The following TMCC1 variants were observed in gnomAD, a reference collection of about 807,000 sequenced individuals.
TMCC1 encodes the protein transmembrane and coiled-coil domains protein 1.
In TMCC1, 15 loss-of-function variants were observed where a neutral mutation model predicts 52.4. The ratio of observed to expected loss-of-function variants is 0.29; its 90% CI spans 0.19 to 0.44. The LOEUF (loss-of-function observed/expected upper bound fraction) is 0.44, where lower values mean the gene tolerates loss of function less well. Among genes scored for constraint, TMCC1 ranks in the 20% least tolerant of loss-of-function variants. The probability of loss-of-function intolerance (pLI) is 1.00; values close to 1 mark genes in which losing one functional copy is unlikely to be tolerated. For synonymous variants in TMCC1, 279 were observed against 301.9 expected (o/e 0.92, Z 0.79); for missense variants, 503 against 806.0 (o/e 0.62, Z 4.55).
At chr3:129,800,858 T>C (rs1314050160) in intron 4 of TMCC1, among the ~76,000 whole-genome samples, 2 of 151,968 alleles carry the variant, frequency 1.3e-5, no homozygotes, top group African/African-American at 4.8e-5. Context: ...TAGCAAATTA[T>C]ATAAATGAAA....
At chr3:129,660,040 T>C (rs1035498323) in intron 5 of TMCC1, among the ~76,000 whole-genome samples, 9 of 152,250 alleles carry the variant, frequency 5.9e-5, no homozygotes, top group African/African-American at 2.2e-4. Context: ...CTCCTAGTTC[T>C]CCCCAACAAT....
Position 129,670,575 on chromosome 3 carries a change from A to G in TMCC1, c.1266T>C (p.Asp422=), listed in dbSNP as rs1223208944. ...QSSPKYGSEE[D]CSSATSGSVG... is the part of the protein sequence containing the mutation. ...CTGAGCCTGAAGTGGCACTAGAACAATCTTCTTCACTACCATATTTTGGGC... is the reference window on the plus strand; with the variant it reads ...CTGAGCCTGAAGTGGCACTAGAACAGTCTTCTTCACTACCATATTTTGGGC... The change falls in exon 5 of 7, where the codon GAT becomes GAC. Residue 422 remains aspartate, a synonymous_variant. Coordinates refer to ENST00000393238, the MANE Select transcript of TMCC1 (RefSeq NM_001017395.5). 2 of 1,614,078 alleles carry G rather than the reference A, an allele frequency of 1.2e-6. No individual in the cohort carries two copies. Among genetic ancestry groups the G allele is most frequent in the Admixed American group, 3.3e-5 (2 of 60,008 alleles).
intron 4 of TMCC1, among the ~76,000 whole-genome samples, chr3:129,747,087 T>C (rs1277575275): frequency 6.6e-6 from 1 of 152,208 alleles, no homozygotes; most frequent in African/African-American, 2.4e-5. Context: ...TAATTCCTCA[T>C]ATATATGAAG....
chr3:129,877,177 A>G (rs1217320293), intron 2 of TMCC1, among the ~76,000 whole-genome samples: 1 of 152,206 alleles, frequency 6.6e-6, no homozygotes, highest in African/African-American at 2.4e-5. Context: ...AACATCTCCA[A>G]TCAGTCTTTA....
chr3:129,772,109 A>T (rs1328598038), intron 4 of TMCC1, among the ~76,000 whole-genome samples: 1 of 152,176 alleles, frequency 6.6e-6, no homozygotes, highest in African/African-American at 2.4e-5. Context: ...CTGTAATCCC[A>T]CCACTTTGGA....
At chr3:129,797,981 T>C (rs1576889553) in intron 4 of TMCC1, among the ~76,000 whole-genome samples, 1 of 132,754 alleles carries the variant, frequency 7.5e-6, no homozygotes, top group Admixed American at 9.2e-5. Flanking sequence ...ACCCGAGTTG[T>C]GTGCCTTTTT....
At chr3:129,852,652 C>T (rs758394963) in intron 2 of TMCC1, among the ~76,000 whole-genome samples, 7 of 152,056 alleles carry the variant, frequency 4.6e-5, no homozygotes, top group Non-Finnish European at 7.4e-5. Flanking sequence ...GTATTTAATA[C>T]CATTCAACCG....
intron 4 of TMCC1, among the ~76,000 whole-genome samples, chr3:129,735,647 T>TTAA (rs2050896811): frequency 1.5e-5 from 2 of 134,678 alleles, no homozygotes; most frequent in South Asian, 4.8e-4. Flanking sequence ...AAGACTCTCT[T>TTAA]AAAAAAAAAA....
chr3:129,760,496 T>TGTGTGTGTG lies in TMCC1; in HGVS notation c.576+67306_576+67307insCACACACAC, dbSNP rs1560353306. On this transcript the variant is annotated intron_variant, in intron 4 of 6. Transcript: ENST00000393238. Reference sequence around the variant, plus strand: ...TGTGTGTGTGTGTGTGTGTGTGTGTTTTTGAGACAGTCTCGCTCTGTTGCC... The same window carrying TGTGTGTGTG: ...TGTGTGTGTGTGTGTGTGTGTGTGTTGTGTGTGTGTTTGAGACAGTCTCGCTCTGTTGCC... Among the ~76,000 whole-genome samples the TGTGTGTGTG allele has an allele frequency of 1.5e-3, 100 of 67,132 alleles. 1 individual carries two copies. The highest frequency in any genetic ancestry group is 3.3e-3 in the African/African-American group (89 of 27,170). The allele number at this position is 67,132 out of a possible 152,430, so 44.0% of individuals were successfully genotyped here. A position where few individuals can be genotyped will look rare whatever the true frequency, so the allele number is the denominator to read the frequency against.
At chr3:129,841,564 C>A (rs889579473) in intron 2 of TMCC1, among the ~76,000 whole-genome samples, 1 of 152,070 alleles carries the variant, frequency 6.6e-6, no homozygotes, top group Non-Finnish European at 1.5e-5. Context: ...GCCTGGGCAA[C>A]AGAGTGAGAC....
At chr3:129,849,453 C>T (rs1312802517) in intron 2 of TMCC1, among the ~76,000 whole-genome samples, 3 of 148,468 alleles carry the variant, frequency 2.0e-5, no homozygotes, top group Admixed American at 6.9e-5. Flanking sequence ...CAGAGCGAGA[C>T]TCCATCTCAA....
chr3:129,725,208 G>A (rs1290826933), intron 4 of TMCC1, among the ~76,000 whole-genome samples: 3 of 152,080 alleles, frequency 2.0e-5, no homozygotes, highest in African/African-American at 4.8e-5. Context: ...CCGCCTCCTG[G>A]GCTCAGGTGA....
At chr3:129,716,999 G>C (rs2049158543) in intron 4 of TMCC1, among the ~76,000 whole-genome samples, 1 of 152,154 alleles carries the variant, frequency 6.6e-6, no homozygotes, top group Non-Finnish European at 1.5e-5. Flanking sequence ...ATAAGAAACT[G>C]ACAAATTTTT....
chr3:129,824,202 G>C (rs1243522984), intron 4 of TMCC1, among the ~76,000 whole-genome samples: 2 of 152,126 alleles, frequency 1.3e-5, no homozygotes, highest in African/African-American at 2.4e-5. Flanking sequence ...TGGGTATGGT[G>C]GTGTGTGCCT....
intron 2 of TMCC1, among the ~76,000 whole-genome samples, chr3:129,845,545 C>T (rs187946076): frequency 1.1e-3 from 161 of 152,174 alleles, no homozygotes; most frequent in Admixed American, 2.2e-3. Flanking sequence ...TAAATAAATA[C>T]TATCATTGAA....
chr3:129,731,304 G>A (rs61345137), intron 4 of TMCC1, among the ~76,000 whole-genome samples: 2,656 of 152,280 alleles, frequency 0.017, 49 homozygotes, highest in African/African-American at 0.055. Context: ...TAGGCTGGAC[G>A]CGGTGGCTCA....
intron 1 of TMCC1, among the ~76,000 whole-genome samples, chr3:129,887,898 A>G (rs1240521043): frequency 6.6e-6 from 1 of 152,218 alleles, no homozygotes; most frequent in Non-Finnish European, 1.5e-5. Flanking sequence ...CAAATTCTTA[A>G]GTAATTAGGA....
Position 129,780,119 on chromosome 3 carries a change from G to A in TMCC1, c.576+47684C>T, listed in dbSNP as rs748900557. 3.2e-4 allele frequency among the ~76,000 whole-genome samples: 48 copies of A among 151,772 alleles called. 1 individual carries two copies. Among genetic ancestry groups the A allele is most frequent in the Admixed American group, 8.5e-4 (13 of 15,234 alleles). On this transcript the variant is annotated intron_variant, in intron 4 of 6. Transcript: ENST00000393238. ...TTACCTTATCACCCTGTCATCTAACGTCCATCCTACTAAACTAAAATTATA... is the reference window on the plus strand; with the variant it reads ...TTACCTTATCACCCTGTCATCTAACATCCATCCTACTAAACTAAAATTATA...
At position 129,649,211 on chromosome 3, in the gene TMCC1, G is replaced by C. The variant is rs982443526; in HGVS notation, c.*2270C>G. ...AGAAAAACTGGTGGATTGCTGCTAG[G>C]GCATCTTTTAAATAACTTTGTGGGG... is the stretch of plus-strand genomic sequence containing the variant. On this transcript the variant is annotated 3_prime_UTR_variant, in exon 7 of 7. Coordinates refer to ENST00000393238, the MANE Select transcript of TMCC1 (RefSeq NM_001017395.5). 1 of 152,130 alleles carries C rather than the reference G, an allele frequency of 6.6e-6. No individual in the cohort carries two copies. The highest frequency in any genetic ancestry group is 1.5e-5 in the Non-Finnish European group (1 of 68,028). 9.4% of individuals were successfully genotyped at this position (152,130 alleles called of 1,614,324 possible).
Sources: allele counts gnomAD v4.1 joint callset (sites outside exome capture counted in the v4.1 genomes callset), GRCh38; gene constraint gnomAD v4.1.1; transcripts MANE v1.5; gene names NCBI Gene and HGNC (gene_info 2026-07-23, HGNC 2026-07-21).